The following LRBA variants were observed in gnomAD, a reference collection of about 807,000 sequenced individuals.
LRBA encodes the protein lipopolysaccharide-responsive and beige-like anchor protein.
In LRBA, 176 loss-of-function variants were observed where a neutral mutation model predicts 330.0. The observed-to-expected ratio is 0.53, with a 90% CI of 0.47 to 0.60. The LOEUF (loss-of-function observed/expected upper bound fraction) is 0.60. Among genes scored for constraint, LRBA ranks in the 20% least tolerant of loss-of-function variants. The pLI, the probability that LRBA is intolerant of heterozygous loss-of-function variation, is 0.00. For synonymous variants in LRBA, 1,230 were observed against 1,193.0 expected (o/e 1.03, Z -0.64); for missense variants, 3,259 against 3,444.8 (o/e 0.95, Z 1.35).
intron 37 of LRBA, among the ~76,000 whole-genome samples, chr4:150,640,228 G>A (rs1355464611): frequency 6.6e-6 from 1 of 152,032 alleles, no homozygotes; most frequent in African/African-American, 2.4e-5. Flanking sequence ...TGTCTGCTTA[G>A]TACTACACCA....
At chr4:150,882,693 C>G (rs1728531539) in intron 17 of LRBA, among the ~76,000 whole-genome samples, 1 of 152,094 alleles carries the variant, frequency 6.6e-6, no homozygotes, top group Admixed American at 6.6e-5. Flanking sequence ...AAAAGATAAT[C>G]TGAATAGTAA....
intron 2 of LRBA, among the ~76,000 whole-genome samples, chr4:150,991,524 T>G (rs1742082859): frequency 6.6e-6 from 1 of 152,184 alleles, no homozygotes; most frequent in Admixed American, 6.5e-5. Flanking sequence ...TAGAGGAATC[T>G]CAAATGCAAT....
intron 2 of LRBA, among the ~76,000 whole-genome samples, chr4:150,963,216 C>G (rs1276526218): frequency 1.3e-5 from 2 of 148,492 alleles, no homozygotes; most frequent in Non-Finnish European, 2.9e-5. Context: ...CCCCTTTGCA[C>G]GGTCTCCCTC....
At chr4:150,599,942 T>C (rs976548358) in intron 37 of LRBA, among the ~76,000 whole-genome samples, 1 of 152,148 alleles carries the variant, frequency 6.6e-6, no homozygotes, top group Non-Finnish European at 1.5e-5. Context: ...TGTGCAATAA[T>C]TGCTATATCA....
At chr4:150,964,923 T>A (rs1446753314) in intron 2 of LRBA, among the ~76,000 whole-genome samples, 2 of 152,054 alleles carry the variant, frequency 1.3e-5, no homozygotes, top group Non-Finnish European at 2.9e-5. Flanking sequence ...ATAAGGGAAA[T>A]GTAAATTTAA....
chr4:150,436,874 G>C lies in LRBA; in HGVS notation c.6781-10C>G, dbSNP rs751767626. The stretch of plus-strand genomic sequence containing the variant: ...TCAGAGCTCCTATTGGCTGCCAATA[G>C]GGAGGGAAAAAACAAAGAATACATC... On this transcript the variant is annotated splice_polypyrimidine_tract_variant and intron_variant, in intron 44 of 56. Coordinates refer to ENST00000651943, the MANE Select transcript of LRBA (RefSeq NM_001364905.1). 15 of 1,612,348 alleles carry C rather than the reference G, an allele frequency of 9.3e-6. No individual in the cohort carries two copies. The highest frequency in any genetic ancestry group is 2.2e-5 in the East Asian group (1 of 44,806).
intron 47 of LRBA, among the ~76,000 whole-genome samples, chr4:150,350,477 G>A (rs888872135): frequency 1.3e-5 from 2 of 151,734 alleles, no homozygotes; most frequent in African/African-American, 4.8e-5. Context: ...GGCTGAGGCA[G>A]GAGAATCGCT....
intron 2 of LRBA, among the ~76,000 whole-genome samples, chr4:150,985,582 T>G (rs949281444): frequency 2.0e-5 from 3 of 151,834 alleles, no homozygotes; most frequent in African/African-American, 7.3e-5. Flanking sequence ...CACTGCAAGT[T>G]CCGCCTCCCG....
chr4:150,861,494 T>C (rs1751934581), intron 22 of LRBA, among the ~76,000 whole-genome samples: 1 of 152,122 alleles, frequency 6.6e-6, no homozygotes, highest in Non-Finnish European at 1.5e-5. Context: ...AAAGGTATAG[T>C]AAAAATCCAA....
intron 34 of LRBA, among the ~76,000 whole-genome samples, chr4:150,765,721 A>G (rs746298124): frequency 1.3e-5 from 2 of 152,156 alleles, no homozygotes; most frequent in Non-Finnish European, 2.9e-5. Flanking sequence ...GATGAAATAG[A>G]TAACAGCAGA....
intron 44 of LRBA, among the ~76,000 whole-genome samples, chr4:150,459,229 T>C (rs1754461953): frequency 6.6e-6 from 1 of 151,982 alleles, no homozygotes; most frequent in South Asian, 2.1e-4. Flanking sequence ...ATAATCCTCC[T>C]GTTTTCCATC....
intron 34 of LRBA, among the ~76,000 whole-genome samples, chr4:150,784,848 C>G (rs1216623890): frequency 9.0e-6 from 1 of 111,110 alleles, no homozygotes; most frequent in Admixed American, 9.2e-5. Flanking sequence ...GGAGTCATAT[C>G]AGTGAGAACA....
chr4:150,334,133 T>TG (rs1734333536), intron 48 of LRBA, among the ~76,000 whole-genome samples: 1 of 152,080 alleles, frequency 6.6e-6, no homozygotes, highest in East Asian at 1.9e-4. Flanking sequence ...CTCAAATTAT[T>TG]TAAAAAGAGT....
chr4:150,899,229 A>T (rs896792723), intron 14 of LRBA, among the ~76,000 whole-genome samples: 4 of 152,188 alleles, frequency 2.6e-5, no homozygotes, highest in African/African-American at 9.6e-5. Context: ...CTTTCACTGG[A>T]AATACATTAT....
At chr4:150,750,758 T>C (rs1733417746) in intron 35 of LRBA, among the ~76,000 whole-genome samples, 1 of 152,096 alleles carries the variant, frequency 6.6e-6, no homozygotes, top group Admixed American at 6.6e-5. Context: ...TTATCCCTAA[T>C]GATTACTGTA....
At chr4:150,458,659 A>G (rs977136936) in intron 44 of LRBA, among the ~76,000 whole-genome samples, 5 of 151,806 alleles carry the variant, frequency 3.3e-5, no homozygotes, top group Admixed American at 2.6e-4. Context: ...AGATATCTGC[A>G]TTTATAACTC....
intron 40 of LRBA, among the ~76,000 whole-genome samples, chr4:150,551,579 G>T (rs193261358): frequency 3.2e-4 from 48 of 151,856 alleles, no homozygotes; most frequent in African/African-American, 1.1e-3. Flanking sequence ...CTCAGGGGAG[G>T]ATCACTAAAA....
At chr4:150,528,602 C>T (rs1034162275) in intron 40 of LRBA, among the ~76,000 whole-genome samples, 5 of 151,994 alleles carry the variant, frequency 3.3e-5, no homozygotes, top group Non-Finnish European at 4.4e-5. Context: ...AAGCCCACCC[C>T]CTCTCCCTTT....
chr4:150,913,788 G>A (rs1002173003), intron 9 of LRBA, among the ~76,000 whole-genome samples: 1 of 152,074 alleles, frequency 6.6e-6, no homozygotes, highest in African/African-American at 2.4e-5. Flanking sequence ...TGTCTCTTTT[G>A]ACAGTTTTTG....
Sources: allele counts gnomAD v4.1 joint callset (sites outside exome capture counted in the v4.1 genomes callset), GRCh38; gene constraint gnomAD v4.1.1; transcripts MANE v1.5; gene names NCBI Gene and HGNC (gene_info 2026-07-23, HGNC 2026-07-21).